The following MTMR2 variants were observed in gnomAD, a reference collection of about 807,000 sequenced individuals.
MTMR2 encodes the protein myotubularin related protein 2, also known as phosphatidylinositol-3,5-bisphosphate 3-phosphatase MTMR2.
MTMR2 carries 55 observed loss-of-function variants against 86.9 expected under a neutral mutation model. That is an observed-to-expected ratio of 0.63 (90% CI 0.51 to 0.79). MTMR2 has a LOEUF of 0.79. Ranked by LOEUF, MTMR2 falls within the 30% of genes least tolerant of loss-of-function variation. MTMR2 has a pLI of 0.00. For synonymous variants in MTMR2, 241 were observed against 266.8 expected (o/e 0.90, Z 0.94); for missense variants, 659 against 772.3 (o/e 0.85, Z 1.74).
chr11:95,869,599 G>A (rs1378513060), intron 2 of MTMR2, among the ~76,000 whole-genome samples: 1 of 152,166 alleles, frequency 6.6e-6, no homozygotes, highest in Non-Finnish European at 1.5e-5. Flanking sequence ...ACTGTTGTAA[G>A]GAAAGCAGCA....
At chr11:95,857,477 A>T in intron 7 of MTMR2, 75 bp downstream of exon 7, 1 of 1,027,162 alleles carries the variant, frequency 9.7e-7, no homozygotes, top group Non-Finnish European at 1.5e-6. Flanking sequence ...TGGTTTTCGT[A>T]CATGGTTCCA....
At chr11:95,836,006 T>C (rs182472403) in intron 14 of MTMR2, 142 bp downstream of exon 14, 5 of 866,292 alleles carry the variant, frequency 5.8e-6, no homozygotes, top group Non-Finnish European at 9.6e-6. Context: ...AGTGTAGTAT[T>C]TTTCTACTAT....
intron 2 of MTMR2, among the ~76,000 whole-genome samples, chr11:95,880,010 A>G (rs571779129): frequency 2.6e-5 from 4 of 151,970 alleles, no homozygotes; most frequent in Non-Finnish European, 4.4e-5. Flanking sequence ...TTATTCCTAG[A>G]TATTTTACAT....
At chr11:95,919,152 CTT>C (rs1866819582) in intron 1 of MTMR2, among the ~76,000 whole-genome samples, 1 of 152,194 alleles carries the variant, frequency 6.6e-6, no homozygotes. Flanking sequence ...ACACGTCACT[CTT>C]AAGTGACCTT....
intron 2 of MTMR2, among the ~76,000 whole-genome samples, chr11:95,879,763 C>T (rs1865255500): frequency 6.6e-6 from 1 of 152,196 alleles, no homozygotes; most frequent in African/African-American, 2.4e-5. Context: ...TATAAATAAA[C>T]TTAAAATCAT....
chr11:95,903,721 A>T (rs1565382776), intron 1 of MTMR2, among the ~76,000 whole-genome samples: 1 of 152,122 alleles, frequency 6.6e-6, no homozygotes. Flanking sequence ...CCAAACACAG[A>T]TTTTCCACAA....
Position 95,913,888 on chromosome 11 carries a change from G to C in MTMR2, c.80+9987C>G, listed in dbSNP as rs564237920. On this transcript the variant is annotated intron_variant, in intron 1 of 14. Coordinates refer to ENST00000346299, the MANE Select transcript of MTMR2 (RefSeq NM_016156.6). ...ATAACATACACAACACACATCAATAGCTGGAAAGCAAAGACCTTAGTATCT... is the reference window on the plus strand; with the variant it reads ...ATAACATACACAACACACATCAATACCTGGAAAGCAAAGACCTTAGTATCT... Among the ~76,000 whole-genome samples, 5 of 152,208 alleles carry C rather than the reference G, an allele frequency of 3.3e-5. No individual in the cohort carries two copies. In the East Asian group the frequency reaches 5.8e-4, roughly 18 times the overall value.
At chr11:95,865,303 G>C (rs758661870) in intron 3 of MTMR2, 13 of 373,180 alleles carry the variant, frequency 3.5e-5, no homozygotes, top group Non-Finnish European at 6.3e-5. Flanking sequence ...TCCTTCACAG[G>C]CTTCAGCAAC....
chr11:95,905,195 A>G (rs1866210850), intron 1 of MTMR2, among the ~76,000 whole-genome samples: 1 of 151,964 alleles, frequency 6.6e-6, no homozygotes, highest in South Asian at 2.1e-4. Flanking sequence ...GAGTGCCCCT[A>G]AACTCACTCT....
At chr11:95,899,825 A>G (rs1280604945) in intron 1 of MTMR2, among the ~76,000 whole-genome samples, 1 of 152,242 alleles carries the variant, frequency 6.6e-6, no homozygotes, top group African/African-American at 2.4e-5. Context: ...GGGGAAACCT[A>G]TGTAACTGGG....
chr11:95,892,336 T>C lies in MTMR2; in HGVS notation c.81-4075A>G, dbSNP rs539654883. 4.6e-5 allele frequency among the ~76,000 whole-genome samples: 7 copies of C among 152,308 alleles called. No individual in the cohort carries two copies. The South Asian group carries it at 1.4e-3, about 32-fold the overall frequency. On this transcript the variant is annotated intron_variant, in intron 1 of 14. Coordinates refer to ENST00000346299, the MANE Select transcript of MTMR2 (RefSeq NM_016156.6). ...AAAAAACTAACTTCTCCAAGAAGTC[T>C]TGGAGTGTTCCAAGAAGGTCTTCCA...
At chr11:95,842,062 C>T (rs1468128942) in intron 11 of MTMR2, among the ~76,000 whole-genome samples, 1 of 152,192 alleles carries the variant, frequency 6.6e-6, no homozygotes, top group African/African-American at 2.4e-5. Context: ...CACTGCACTC[C>T]AGCCTGCATG....
chr11:95,873,281 C>G (rs188415549), intron 2 of MTMR2, among the ~76,000 whole-genome samples: 2,521 of 152,280 alleles, frequency 0.017, 33 homozygotes, highest in South Asian at 0.063. Context: ...GCCTCAATTT[C>G]AGAGCCTGTT....
chr11:95,872,987 G>A (rs141269987), intron 2 of MTMR2, among the ~76,000 whole-genome samples: 8,449 of 152,216 alleles, frequency 0.056, 819 homozygotes, highest in African/African-American at 0.19. Context: ...TGGTGGATAA[G>A]CTTTTTGATG....
chr11:95,920,070 T>A (rs1033600328), intron 1 of MTMR2, among the ~76,000 whole-genome samples: 2 of 152,208 alleles, frequency 1.3e-5, no homozygotes, highest in African/African-American at 4.8e-5. Flanking sequence ...AGTATTATTT[T>A]ACCTATATCT....
chr11:95,845,142 A>G lies in MTMR2; in HGVS notation c.1197T>C (p.Ala399=), dbSNP rs1863728333. ...ACTCTACCTTGTCAGCAATCCTAAG[A>G]GCCCCTGCAAGAATAAGCTGGAAAA... ...LEHIKLILAG[A]LRIADKVESG... Residue 399 remains alanine (A), a synonymous_variant, in exon 11 of 15, where the codon GCT becomes GCC. Transcript: ENST00000346299. 1.2e-6 allele frequency: 2 copies of G among 1,613,652 alleles called. No individual in the cohort carries two copies. The highest frequency in any genetic ancestry group is 1.1e-5 in the South Asian group (1 of 91,078).
chr11:95,865,044 T>C (rs1864561840), intron 3 of MTMR2, among the ~76,000 whole-genome samples: 1 of 152,130 alleles, frequency 6.6e-6, no homozygotes, highest in African/African-American at 2.4e-5. Context: ...TGTAAGCTCA[T>C]TTTCAGTTTC....
chr11:95,849,767 T>C lies in MTMR2; in HGVS notation c.900A>G (p.Glu300=). 6.2e-7 allele frequency: 1 copy of C among 1,614,148 alleles called. No homozygotes were observed. Among genetic ancestry groups the C allele is most frequent in the Non-Finnish European group, 8.5e-7 (1 of 1,179,980 alleles). The change falls in exon 9 of 15, where the codon GAA becomes GAG. Residue 300 remains glutamate (E), a synonymous_variant. Coordinates refer to ENST00000346299, the MANE Select transcript of MTMR2 (RefSeq NM_016156.6). ...AATCCATGATAGCTTGAAGGTATTTTTCATCTTCTTTGCTTCGCTTTCCAC... is the reference window on the plus strand; with the variant it reads ...AATCCATGATAGCTTGAAGGTATTTCTCATCTTCTTTGCTTCGCTTTCCAC... ...GVSGKRSKED[E]KYLQAIMDSN...
At chr11:95,902,264 C>T (rs1866101264) in intron 1 of MTMR2, among the ~76,000 whole-genome samples, 1 of 152,116 alleles carries the variant, frequency 6.6e-6, no homozygotes, top group Non-Finnish European at 1.5e-5. Context: ...ATTTCCTTAT[C>T]CCCCAGCCTC....
Sources: allele counts gnomAD v4.1 joint callset (sites outside exome capture counted in the v4.1 genomes callset), GRCh38; gene constraint gnomAD v4.1.1; transcripts MANE v1.5; gene names NCBI Gene and HGNC (gene_info 2026-07-23, HGNC 2026-07-21).